The following DLG2 variants were observed in gnomAD, a reference collection of about 807,000 sequenced individuals.
DLG2 encodes discs large MAGUK scaffold protein 2, also known as disks large homolog 2.
A neutral mutation model predicts 132.5 loss-of-function variants in DLG2; 45 were observed. That is an observed-to-expected ratio of 0.34 (90% CI 0.27 to 0.44). DLG2 has a LOEUF of 0.44. Ranked by LOEUF, DLG2 falls within the 20% of genes least tolerant of loss-of-function variation. DLG2 has a pLI of 1.00. For synonymous variants in DLG2, 424 were observed against 419.6 expected, an observed-to-expected ratio of 1.01 and a Z score of -0.13; for missense variants, 1,045 against 1,196.9, an observed-to-expected ratio of 0.87 and a Z score of 1.87.
chr11:84,424,057 T>C (rs76720969), intron 7 of DLG2, among the ~76,000 whole-genome samples: 6,622 of 152,204 alleles, frequency 0.044, 436 homozygotes, highest in African/African-American at 0.14. Flanking sequence ...TTAGAGGCCA[T>C]TGCCCTACCT....
intron 7 of DLG2, among the ~76,000 whole-genome samples, chr11:84,364,262 C>T (rs1417666961): frequency 6.6e-6 from 1 of 152,008 alleles, no homozygotes; most frequent in African/African-American, 2.4e-5. Context: ...ATTTTATCCT[C>T]TTTGAAGCAA....
chr11:83,786,471 T>TG (rs2039964003), intron 18 of DLG2: 1 of 495,778 alleles, frequency 2.0e-6, no homozygotes, highest in Non-Finnish European at 3.6e-6. Flanking sequence ...TGAATTCATA[T>TG]TTTCATAGGC....
intron 19 of DLG2, among the ~76,000 whole-genome samples, chr11:83,589,070 G>T (rs2097142542): frequency 6.8e-6 from 1 of 146,994 alleles, no homozygotes; most frequent in Non-Finnish European, 1.5e-5. Context: ...CACTCTGCAG[G>T]ATATTATCCA....
chr11:84,743,871 C>T (rs1229242821), intron 6 of DLG2, among the ~76,000 whole-genome samples: 1 of 152,056 alleles, frequency 6.6e-6, no homozygotes, highest in Non-Finnish European at 1.5e-5. Flanking sequence ...ACTACAGGCG[C>T]CTGCCACTGC....
intron 6 of DLG2, among the ~76,000 whole-genome samples, chr11:85,066,659 T>C (rs2064967060): frequency 6.6e-6 from 1 of 151,650 alleles, no homozygotes; most frequent in South Asian, 2.1e-4. Flanking sequence ...ATAAATGTGA[T>C]TCACCACATA....
chr11:83,730,619 G>T (rs1354642987), intron 18 of DLG2, among the ~76,000 whole-genome samples: 2 of 152,110 alleles, frequency 1.3e-5, no homozygotes, highest in East Asian at 3.9e-4. Flanking sequence ...GCCTGGTCAT[G>T]GTACCAGGAG....
chr11:85,126,344 C>T (rs2075109020), intron 5 of DLG2, among the ~76,000 whole-genome samples: 1 of 152,096 alleles, frequency 6.6e-6, no homozygotes, highest in Admixed American at 6.6e-5. Context: ...ACTCATCTTT[C>T]AATAGGTTGC....
At chr11:84,154,059 G>A (rs1021128960) in intron 9 of DLG2, among the ~76,000 whole-genome samples, 3 of 152,156 alleles carry the variant, frequency 2.0e-5, no homozygotes, top group African/African-American at 7.2e-5. Flanking sequence ...GTGCAGTGGT[G>A]TGATGTCAGC....
intron 9 of DLG2, among the ~76,000 whole-genome samples, chr11:84,107,013 T>TGTGAGAGAGAGA (rs1555348732): frequency 0.036 from 4,490 of 125,928 alleles, 151 homozygotes; most frequent in African/African-American, 0.083. Flanking sequence ...TGTGTGTGTG[T>TGTGAGAGAGAGA]GAGAGAGTTT....
chr11:83,726,080 CAA>C (rs916013111), intron 18 of DLG2, among the ~76,000 whole-genome samples: 7 of 152,120 alleles, frequency 4.6e-5, no homozygotes, highest in African/African-American at 1.4e-4. Flanking sequence ...ACCTGAGATG[CAA>C]AGTCATCTAA....
At chr11:85,447,321 A>C (rs1376412232) in intron 3 of DLG2, among the ~76,000 whole-genome samples, 2 of 152,174 alleles carry the variant, frequency 1.3e-5, no homozygotes, top group African/African-American at 4.8e-5. Context: ...ATATGTTGAA[A>C]TTCTAACTCC....
intron 19 of DLG2, among the ~76,000 whole-genome samples, chr11:83,573,366 T>G (rs527275924): frequency 6.6e-6 from 1 of 152,254 alleles, no homozygotes; most frequent in South Asian, 2.1e-4. Context: ...GCTATAAGTG[T>G]CTTAGTACTG....
At chr11:84,317,462 A>G in intron 7 of DLG2, 1 of 845,628 alleles carries the variant, frequency 1.2e-6, no homozygotes, top group South Asian at 4.4e-5. Context: ...ACTGTGTTAC[A>G]AACCCTTTTT....
chr11:84,535,020 A>G (rs1591773599), intron 6 of DLG2, among the ~76,000 whole-genome samples: 1 of 152,196 alleles, frequency 6.6e-6, no homozygotes, highest in Non-Finnish European at 1.5e-5. Flanking sequence ...GAGACAGAAC[A>G]TTTACTTTAT....
At chr11:83,901,394 C>T (rs113197427) in intron 15 of DLG2, among the ~76,000 whole-genome samples, 2,871 of 152,202 alleles carry the variant, frequency 0.019, 93 homozygotes, top group African/African-American at 0.064. Flanking sequence ...TTTTGTATCT[C>T]CCAGAATTCC....
intron 8 of DLG2, among the ~76,000 whole-genome samples, chr11:84,237,708 G>T (rs1197667744): frequency 2.0e-5 from 3 of 152,120 alleles, no homozygotes; most frequent in Admixed American, 6.6e-5. Flanking sequence ...CAACTGAGGG[G>T]AAGTAATTTA....
At chr11:83,930,212 C>T (rs1436967887) in intron 15 of DLG2, 116 bp downstream of exon 15, 5 of 1,193,574 alleles carry the variant, frequency 4.2e-6, no homozygotes, top group Non-Finnish European at 5.9e-6. Flanking sequence ...GAACATCTCT[C>T]CACTTTGGGG....
chr11:85,391,105 A>T (rs2086760127), intron 3 of DLG2, among the ~76,000 whole-genome samples: 1 of 152,124 alleles, frequency 6.6e-6, no homozygotes, highest in African/African-American at 2.4e-5. Context: ...AACAGGAGAT[A>T]TTGCAACGGA....
At chr11:85,290,016 C>A (rs1281682920) in intron 3 of DLG2, among the ~76,000 whole-genome samples, 1 of 152,116 alleles carries the variant, frequency 6.6e-6, no homozygotes, top group East Asian at 1.9e-4. Context: ...AATGTTCTAT[C>A]CAGCCATATA....
Sources: allele counts gnomAD v4.1 joint callset (sites outside exome capture counted in the v4.1 genomes callset), GRCh38; gene constraint gnomAD v4.1.1; transcripts MANE v1.5; gene names NCBI Gene and HGNC (gene_info 2026-07-23, HGNC 2026-07-21).